Variants in DOCK1 observed in about 807,000 individuals in gnomAD.
DOCK1 encodes the protein dedicator of cytokinesis protein 1.
A neutral mutation model predicts 262.7 loss-of-function variants in DOCK1; 138 were observed. The ratio of observed to expected loss-of-function variants is 0.53; its 90% confidence interval spans 0.46 to 0.61. The LOEUF is 0.61. DOCK1 is among the 20% of genes least tolerant of loss of function. The probability of loss-of-function intolerance (pLI) is 0.00; values close to 1 mark genes in which losing one functional copy is unlikely to be tolerated. For missense variants in DOCK1, 1,908 were observed against 2,370.7 expected, an observed-to-expected ratio of 0.80 and a Z score of 4.05; for synonymous variants, 866 against 867.4, an observed-to-expected ratio of 1.00 and a Z score of 0.03.
intron 27 of DOCK1, among the ~76,000 whole-genome samples, chr10:127,157,661 T>C (rs2053213403): frequency 6.6e-6 from 1 of 152,254 alleles, no homozygotes; most frequent in Non-Finnish European, 1.5e-5. Context: ...TCTGTGGTCA[T>C]TCTTTTTTTA....
intron 29 of DOCK1, among the ~76,000 whole-genome samples, chr10:127,312,282 A>G (rs1278036065): frequency 1.3e-5 from 2 of 152,270 alleles, no homozygotes; most frequent in South Asian, 4.2e-4. Flanking sequence ...AATAGCGGTG[A>G]TGATCACCAG....
chr10:127,385,901 G>A (rs558049304), intron 38 of DOCK1, among the ~76,000 whole-genome samples: 5 of 152,268 alleles, frequency 3.3e-5, no homozygotes, highest in South Asian at 4.1e-4. Context: ...GCGGTTAGAC[G>A]AGGGCCCACT....
intron 27 of DOCK1, among the ~76,000 whole-genome samples, chr10:127,194,106 T>G (rs1390935523): frequency 6.6e-6 from 1 of 152,252 alleles, no homozygotes; most frequent in Non-Finnish European, 1.5e-5. Flanking sequence ...AGTCTTTCAT[T>G]TAGCTAAAGA....
At chr10:127,444,485 T>A (rs978923914) in intron 50 of DOCK1, among the ~76,000 whole-genome samples, 1 of 151,786 alleles carries the variant, frequency 6.6e-6, no homozygotes, top group Non-Finnish European at 1.5e-5. Context: ...AGAGCCCAGG[T>A]CTCCAGCACT....
rs1164506189 is a variant in DOCK1 at position 127,444,227 on chromosome 10, A to G, written c.5361A>G (p.Gln1787=). Residue 1787 remains glutamine (Q), a synonymous_variant, in exon 50 of 52, where the codon CAA becomes CAG. Coordinates refer to ENST00000623213, the MANE Select transcript of DOCK1 (RefSeq NM_001290223.2). The part of the protein sequence containing the change: ...SVSPSSPSSQ[Q]TPPPVTPRAK... ...CCCCCTCGTCACCGTCCTCCCAGCA[A>G]ACACCCCCTCCAGTTACACCAAGGG... 2.5e-6 allele frequency: 4 copies of G among 1,612,256 alleles called. No individual in the cohort carries two copies. Among genetic ancestry groups the G allele is most frequent in the Non-Finnish European group, 2.5e-6 (3 of 1,179,484 alleles).
intron 27 of DOCK1, among the ~76,000 whole-genome samples, chr10:127,133,644 A>G (rs527652239): frequency 1.3e-5 from 2 of 152,372 alleles, no homozygotes; most frequent in South Asian, 4.1e-4. Flanking sequence ...TAAAAACCAC[A>G]TTGTTGAATG....
intron 10 of DOCK1, chr10:127,000,580 CTCAG>C: frequency 2.7e-6 from 1 of 375,238 alleles, no homozygotes; most frequent in Non-Finnish European, 4.8e-6. Flanking sequence ...GACCCATATT[CTCAG>C]TCTGTAGGGA....
At chr10:127,378,058 C>G (rs1037448056) in intron 35 of DOCK1, among the ~76,000 whole-genome samples, 1 of 152,172 alleles carries the variant, frequency 6.6e-6, no homozygotes, top group Non-Finnish European at 1.5e-5. Flanking sequence ...ACTGACAGCT[C>G]ATAATCGAGC....
At chr10:127,022,359 T>G (rs1303890050) in intron 13 of DOCK1, among the ~76,000 whole-genome samples, 1 of 152,122 alleles carries the variant, frequency 6.6e-6, no homozygotes, top group Non-Finnish European at 1.5e-5. Context: ...TTTTAAGTTT[T>G]AGGGTACATG....
At chr10:126,930,791 G>A (rs1254457116) in intron 1 of DOCK1, among the ~76,000 whole-genome samples, 1 of 152,218 alleles carries the variant, frequency 6.6e-6, no homozygotes, top group Admixed American at 6.5e-5. Context: ...AGAGAAGTGT[G>A]GACATCAGCA....
intron 33 of DOCK1, among the ~76,000 whole-genome samples, chr10:127,368,729 A>G (rs1286951682): frequency 1.3e-5 from 2 of 152,006 alleles, no homozygotes; most frequent in African/African-American, 4.8e-5. Flanking sequence ...TCCCTGCCTC[A>G]CCAAGAACCC....
intron 30 of DOCK1, among the ~76,000 whole-genome samples, chr10:127,341,329 C>T (rs184981997): frequency 3.9e-5 from 6 of 152,166 alleles, no homozygotes; most frequent in Admixed American, 6.5e-5. Flanking sequence ...CTAGCAGAGT[C>T]GCTACTTTTC....
intron 31 of DOCK1, among the ~76,000 whole-genome samples, chr10:127,352,159 G>A (rs1175278782): frequency 6.7e-5 from 10 of 148,388 alleles, no homozygotes; most frequent in Non-Finnish European, 1.3e-4. Context: ...GGGAGGCGGG[G>A]AGGGGTGGGG....
At chr10:126,955,286 C>T (rs976097941) in intron 1 of DOCK1, among the ~76,000 whole-genome samples, 8 of 152,146 alleles carry the variant, frequency 5.3e-5, no homozygotes, top group South Asian at 2.1e-4. Flanking sequence ...CCATCATGTT[C>T]GGCTAAATTT....
At chr10:126,918,456 G>C (rs1316255277) in intron 1 of DOCK1, among the ~76,000 whole-genome samples, 1 of 152,184 alleles carries the variant, frequency 6.6e-6, no homozygotes. Context: ...GAATGACCTG[G>C]GTCATGTCAG....
At chr10:127,285,291 A>C (rs1409659914) in intron 29 of DOCK1, among the ~76,000 whole-genome samples, 1 of 152,238 alleles carries the variant, frequency 6.6e-6, no homozygotes, top group African/African-American at 2.4e-5. Context: ...AATTTTGATT[A>C]GATTTGCATT....
intron 46 of DOCK1, among the ~76,000 whole-genome samples, chr10:127,420,947 C>T (rs919047671): frequency 1.3e-5 from 2 of 151,096 alleles, no homozygotes; most frequent in East Asian, 1.9e-4. Flanking sequence ...GGTGAAGTCT[C>T]GCTCTGTTGC....
At chr10:127,250,445 GACACA>G (rs1294430102) in intron 28 of DOCK1, among the ~76,000 whole-genome samples, 16 of 143,712 alleles carry the variant, frequency 1.1e-4, no homozygotes, top group Admixed American at 2.1e-4. Flanking sequence ...TTTTTCCATA[GACACA>G]ACAGTTTAGA....
chr10:126,948,745 A>T (rs2035865882), intron 1 of DOCK1, among the ~76,000 whole-genome samples: 1 of 152,092 alleles, frequency 6.6e-6, no homozygotes, highest in East Asian at 1.9e-4. Context: ...TCCAGCCTGG[A>T]TCCCAAGCTT....
Sources: gnomAD v4.1 joint callset for allele counts (sites outside exome capture counted in the v4.1 genomes callset) on GRCh38, gnomAD v4.1.1 for gene constraint, MANE v1.5 for transcripts, NCBI Gene and HGNC (gene_info 2026-07-23, HGNC 2026-07-21) for gene names.